Variants in NALF1 observed in about 807,000 individuals in gnomAD.
NALF1 encodes family with sequence similarity 155 member A.
In NALF1, 3 loss-of-function variants were observed where a neutral mutation model predicts 48.4. That is an observed-to-expected ratio of 0.06 (90% CI 0.03 to 0.16). NALF1 has a LOEUF of 0.16. Among genes scored for constraint, NALF1 ranks in the 10% least tolerant of loss-of-function variants. The probability of loss-of-function intolerance (pLI) is 1.00; values close to 1 mark genes in which losing one functional copy is unlikely to be tolerated. For missense variants in NALF1, 526 were observed against 571.5 expected (o/e 0.92, Z 0.81); for synonymous variants, 262 against 245.7 (o/e 1.07, Z -0.62).
intron 1 of NALF1, among the ~76,000 whole-genome samples, chr13:107,450,829 T>C (rs1327331305): frequency 6.6e-6 from 1 of 152,228 alleles, no homozygotes; most frequent in African/African-American, 2.4e-5. Flanking sequence ...AAATTCATGT[T>C]GCCAATACTA....
At chr13:107,590,971 G>T (rs754599778) in intron 1 of NALF1, among the ~76,000 whole-genome samples, 1 of 151,932 alleles carries the variant, frequency 6.6e-6, no homozygotes, top group Non-Finnish European at 1.5e-5. Context: ...TTGTTTGTAA[G>T]CATTCTATTA....
chr13:107,581,239 T>C (rs1326718570), intron 1 of NALF1, among the ~76,000 whole-genome samples: 2 of 152,180 alleles, frequency 1.3e-5, no homozygotes, highest in Non-Finnish European at 2.9e-5. Context: ...TTCTTGGTAT[T>C]ATGCAAATGT....
In NALF1 at chr13:107,163,524, C is replaced by T. The variant is rs1486782990; in HGVS notation, c.*6973G>A. 1.3e-5 allele frequency: 2 copies of T among 152,140 alleles called. No individual in the cohort carries two copies. The highest frequency in any genetic ancestry group is 2.9e-5 in the Non-Finnish European group (2 of 68,020). 9.4% of individuals were successfully genotyped at this position (152,140 alleles called of 1,614,324 possible). A position where few individuals can be genotyped will look rare whatever the true frequency, so the allele number is the denominator to read the frequency against. ...CGTAAACAAACTTTAGCAGTGGCCT[C>T]TATATCTTTTTAATATTTGTATTTT... On this transcript the variant is annotated 3_prime_UTR_variant, in exon 3 of 3. Transcript: ENST00000375915.
chr13:107,481,367 A>G (rs1457135940), intron 1 of NALF1, among the ~76,000 whole-genome samples: 1 of 152,192 alleles, frequency 6.6e-6, no homozygotes, highest in Non-Finnish European at 1.5e-5. Context: ...TCACAATAAT[A>G]TATCTCAAGT....
At position 107,694,314 on chromosome 13, in the gene NALF1, A is replaced by AT. The variant is rs5806680; in HGVS notation, c.915+171367dup. On this transcript the variant is annotated intron_variant, in intron 1 of 2. Coordinates refer to ENST00000375915, the MANE Select transcript of NALF1 (RefSeq NM_001080396.3). ...CAATACTATTCCACCTGCTTTATAC[A>AT]TTTTTTTTTGCCTCTCTCCATTGTT... 3.6e-3 allele frequency among the ~76,000 whole-genome samples: 547 copies of AT among 151,462 alleles called. 3 individuals are homozygous for AT. The highest frequency in any genetic ancestry group is 0.012 in the African/African-American group (514 of 41,246).
At chr13:107,615,424 C>G (rs1879354411) in intron 1 of NALF1, among the ~76,000 whole-genome samples, 1 of 152,172 alleles carries the variant, frequency 6.6e-6, no homozygotes, top group Non-Finnish European at 1.5e-5. Context: ...CTGTCAAAGT[C>G]TCATGATTGT....
At chr13:107,387,931 CTCT>C (rs1444089334) in intron 1 of NALF1, among the ~76,000 whole-genome samples, 3 of 152,166 alleles carry the variant, frequency 2.0e-5, no homozygotes, top group Admixed American at 2.0e-4. Context: ...TCTTTCTTGT[CTCT>C]TCATTCTCAC....
chr13:107,561,871 T>A (rs991914162), intron 1 of NALF1, among the ~76,000 whole-genome samples: 1 of 152,222 alleles, frequency 6.6e-6, no homozygotes, highest in Non-Finnish European at 1.5e-5. Flanking sequence ...TGCTAGCCGT[T>A]AACGTGCTCA....
At chr13:107,682,465 G>T (rs1303728501) in intron 1 of NALF1, among the ~76,000 whole-genome samples, 2 of 152,048 alleles carry the variant, frequency 1.3e-5, no homozygotes, top group Non-Finnish European at 2.9e-5. Flanking sequence ...CCAGCATTGT[G>T]CTGTTCCCAA....
intron 1 of NALF1, among the ~76,000 whole-genome samples, chr13:107,422,189 G>A (rs1166851681): frequency 1.3e-5 from 2 of 152,056 alleles, no homozygotes; most frequent in East Asian, 1.9e-4. Context: ...GCTGGGCATC[G>A]TAGCAAAAAG....
chr13:107,627,755 G>T (rs1436687738), intron 1 of NALF1, among the ~76,000 whole-genome samples: 1 of 151,984 alleles, frequency 6.6e-6, no homozygotes, highest in African/African-American at 2.4e-5. Flanking sequence ...AGAAATATCA[G>T]CAGTCTGCTT....
chr13:107,795,752 A>C (rs1878403446), intron 1 of NALF1, among the ~76,000 whole-genome samples: 1 of 152,196 alleles, frequency 6.6e-6, no homozygotes, highest in Non-Finnish European at 1.5e-5. Flanking sequence ...TATGAATGGA[A>C]GTTTAACATA....
chr13:107,490,873 C>T (rs1885404574), intron 1 of NALF1, among the ~76,000 whole-genome samples: 1 of 152,136 alleles, frequency 6.6e-6, no homozygotes, highest in South Asian at 2.1e-4. Flanking sequence ...TCACTAAACT[C>T]CTGCACATTC....
chr13:107,164,002 TC>T lies in NALF1; in HGVS notation c.*6494del, dbSNP rs1878610018. 6.6e-6 allele frequency: 1 copy of T among 152,224 alleles called. No homozygotes were observed. Among genetic ancestry groups the T allele is most frequent in the African/African-American group, 2.4e-5 (1 of 41,462 alleles). The allele number at this position is 152,224 out of a possible 1,614,324, so 9.4% of individuals were successfully genotyped here. A position where few individuals can be genotyped will look rare whatever the true frequency, so the allele number is the denominator to read the frequency against. On this transcript the variant is annotated 3_prime_UTR_variant, in exon 3 of 3. Coordinates refer to ENST00000375915, the MANE Select transcript of NALF1 (RefSeq NM_001080396.3). Reference sequence around the variant, plus strand: ...TTTTATCCATTTTGCAGTGAAATGGTCAGTAGAAAATGGCCATAAGTTGAAA... The same window carrying T: ...TTTTATCCATTTTGCAGTGAAATGGTAGTAGAAAATGGCCATAAGTTGAAA...
chr13:107,405,264 A>C (rs969796530), intron 1 of NALF1, among the ~76,000 whole-genome samples: 5 of 152,112 alleles, frequency 3.3e-5, no homozygotes, highest in African/African-American at 1.2e-4. Context: ...ATACTTTCAG[A>C]AAGGTCCTCT....
intron 1 of NALF1, among the ~76,000 whole-genome samples, chr13:107,285,029 G>GA (rs948656232): frequency 5.9e-5 from 9 of 152,072 alleles, no homozygotes; most frequent in Non-Finnish European, 1.3e-4. Context: ...TGAGCAGAGA[G>GA]AAAAAATAAT....
At chr13:107,641,502 T>C (rs1477406556) in intron 1 of NALF1, among the ~76,000 whole-genome samples, 1 of 152,174 alleles carries the variant, frequency 6.6e-6, no homozygotes, top group Admixed American at 6.5e-5. Context: ...TATCAAAATA[T>C]CACTTGTGCC....
At chr13:107,443,847 T>C (rs1594066179) in intron 1 of NALF1, among the ~76,000 whole-genome samples, 1 of 152,304 alleles carries the variant, frequency 6.6e-6, no homozygotes, top group African/African-American at 2.4e-5. Context: ...TGTTTGTAAA[T>C]GTGCTTAATG....
intron 1 of NALF1, among the ~76,000 whole-genome samples, chr13:107,682,827 C>A: frequency 6.6e-6 from 1 of 152,138 alleles, no homozygotes; most frequent in East Asian, 1.9e-4. Flanking sequence ...CCAGCTCAGC[C>A]CAGGTGCAGT....
Sources: allele counts gnomAD v4.1 joint callset (sites outside exome capture counted in the v4.1 genomes callset), GRCh38; gene constraint gnomAD v4.1.1; transcripts MANE v1.5; gene names NCBI Gene and HGNC (gene_info 2026-07-23, HGNC 2026-07-21).